SYN3: variants seen among roughly 807,000 people sequenced by gnomAD.
SYN3 encodes synapsin-3.
A neutral mutation model predicts 65.8 loss-of-function variants in SYN3; 35 were observed. The observed-to-expected ratio is 0.53, with a 90% CI of 0.41 to 0.70. SYN3 has a LOEUF of 0.70. Among genes scored for constraint, SYN3 ranks in the 30% least tolerant of loss-of-function variants. The probability of loss-of-function intolerance (pLI) is 0.00; values close to 1 mark genes in which losing one functional copy is unlikely to be tolerated. For missense variants in SYN3, 680 were observed against 749.0 expected, an observed-to-expected ratio of 0.91 and a Z score of 1.08; for synonymous variants, 270 against 292.9, an observed-to-expected ratio of 0.92 and a Z score of 0.80.
At chr22:32,562,074 G>A (rs5998540) in intron 7 of SYN3, among the ~76,000 whole-genome samples, 6,637 of 152,190 alleles carry the variant, frequency 0.044, 308 homozygotes, top group East Asian at 0.22. Context: ...CTTCCAATCC[G>A]AGATCCAATG....
At chr22:32,788,594 A>G (rs1295469587) in intron 6 of SYN3, among the ~76,000 whole-genome samples, 6 of 152,186 alleles carry the variant, frequency 3.9e-5, no homozygotes, top group Non-Finnish European at 8.8e-5. Context: ...ACAACTACTT[A>G]GTATTTACAT....
chr22:32,850,042 T>A (rs753961353), intron 6 of SYN3, among the ~76,000 whole-genome samples: 8 of 151,018 alleles, frequency 5.3e-5, no homozygotes, highest in Non-Finnish European at 1.2e-4. Context: ...AGGAACCTCA[T>A]CCCAAGGCAG....
At chr22:32,998,053 C>T (rs1466591678) in intron 2 of SYN3, among the ~76,000 whole-genome samples, 2 of 151,682 alleles carry the variant, frequency 1.3e-5, no homozygotes, top group African/African-American at 2.4e-5. Context: ...AGAATGCCAC[C>T]AATGTCATTC....
At chr22:32,840,732 G>T (rs2047875409) in intron 6 of SYN3, among the ~76,000 whole-genome samples, 1 of 152,094 alleles carries the variant, frequency 6.6e-6, no homozygotes, top group South Asian at 2.1e-4. Flanking sequence ...ATGGGCTGAG[G>T]CTCAGATCTG....
At chr22:32,627,380 A>G (rs2059683155) in intron 6 of SYN3, among the ~76,000 whole-genome samples, 2 of 152,130 alleles carry the variant, frequency 1.3e-5, no homozygotes, top group South Asian at 4.1e-4. Flanking sequence ...AGCTTCTGTG[A>G]GCCCTAATGC....
chr22:33,008,962 A>AAG (rs753991156), intron 1 of SYN3, among the ~76,000 whole-genome samples: 1,741 of 99,302 alleles, frequency 0.018, 31 homozygotes, highest in East Asian at 0.078. Flanking sequence ...AAAAAAAAAA[A>AAG]AGAGAGAGAG....
chr22:32,566,982 G>A (rs1434021789), intron 7 of SYN3, among the ~76,000 whole-genome samples: 1 of 152,094 alleles, frequency 6.6e-6, no homozygotes, highest in Non-Finnish European at 1.5e-5. Flanking sequence ...AAGGTGTGGG[G>A]GCAGGCAGAG....
At position 32,818,947 on chromosome 22, in the gene SYN3, C is replaced by T. The variant is rs548309940; in HGVS notation, c.711+45968G>A. 6.7e-4 allele frequency among the ~76,000 whole-genome samples: 102 copies of T among 152,302 alleles called. 1 individual carries two copies. The highest frequency in any genetic ancestry group is 2.4e-3 in the African/African-American group (101 of 41,572). ...ACTTGGCCCCTGCAGCTACTCCTCG[C>T]CCCCTCCTGCATAATTTCCTATTTC... On this transcript the variant is annotated intron_variant, in intron 6 of 13. Coordinates refer to ENST00000358763, the MANE Select transcript of SYN3 (RefSeq NM_003490.4).
At chr22:32,857,385 G>T in intron 6 of SYN3, 1 of 1,588,838 alleles carries the variant, frequency 6.3e-7, no homozygotes, top group Non-Finnish European at 8.6e-7. Flanking sequence ...TAGCTTCTAG[G>T]CCAGGGTTTG....
Position 33,018,621 on chromosome 22 carries a change from T to C in SYN3, c.-162-11797A>G, listed in dbSNP as rs149574398. Among the ~76,000 whole-genome samples the C allele has an allele frequency of 3.4e-3, 517 of 152,202 alleles. 5 individuals carry two copies. The highest frequency in any genetic ancestry group is 0.012 in the African/African-American group (502 of 41,528). ...AGAAGTAAGGTGAAAATCATAAGGA[T>C]ACGTTTTGCATCAAAGCAGGAGGAA... On this transcript the variant is annotated intron_variant, in intron 1 of 13. Transcript: ENST00000358763.
At chr22:32,768,817 T>C (rs149968058) in intron 6 of SYN3, among the ~76,000 whole-genome samples, 1 of 152,314 alleles carries the variant, frequency 6.6e-6, no homozygotes, top group East Asian at 1.9e-4. Context: ...TCATATGTCC[T>C]TCTCCTCTAG....
intron 2 of SYN3, among the ~76,000 whole-genome samples, chr22:32,999,475 A>G (rs1401992645): frequency 1.3e-5 from 2 of 152,188 alleles, no homozygotes; most frequent in Non-Finnish European, 2.9e-5. Flanking sequence ...ACTTGAGGTC[A>G]GGAGTTCGAG....
chr22:32,719,684 A>C (rs1354034425), intron 6 of SYN3, among the ~76,000 whole-genome samples: 1 of 152,148 alleles, frequency 6.6e-6, no homozygotes, highest in Non-Finnish European at 1.5e-5. Context: ...CTCTCCAAAA[A>C]AACAAAAAAG....
At chr22:32,941,610 T>C (rs1272023046) in intron 3 of SYN3, among the ~76,000 whole-genome samples, 1 of 151,828 alleles carries the variant, frequency 6.6e-6, no homozygotes, top group Non-Finnish European at 1.5e-5. Context: ...GGCAGGACAG[T>C]CGGTGCAGCC....
intron 7 of SYN3, among the ~76,000 whole-genome samples, chr22:32,584,488 T>C (rs1447766213): frequency 6.6e-6 from 1 of 152,136 alleles, no homozygotes; most frequent in African/African-American, 2.4e-5. Flanking sequence ...AGATGCAGTG[T>C]CAGGATGGCT....
At chr22:32,869,469 G>A (rs1017772399) in intron 4 of SYN3, among the ~76,000 whole-genome samples, 2 of 151,124 alleles carry the variant, frequency 1.3e-5, no homozygotes, top group East Asian at 2.0e-4. Context: ...AAGGTACCAC[G>A]CACTCTACTG....
At chr22:32,643,253 T>G (rs528275108) in intron 6 of SYN3, among the ~76,000 whole-genome samples, 1 of 152,220 alleles carries the variant, frequency 6.6e-6, no homozygotes, top group East Asian at 1.9e-4. Context: ...CTAATTTTTG[T>G]ATTTTTAGTA....
intron 6 of SYN3, chr22:32,859,169 T>C (rs777685149): frequency 6.2e-7 from 1 of 1,614,178 alleles, no homozygotes; most frequent in Non-Finnish European, 8.5e-7. Context: ...CTGCCTGTTA[T>C]CTAATTGCAG....
At chr22:32,883,999 C>G (rs531671193) in intron 4 of SYN3, among the ~76,000 whole-genome samples, 3 of 152,334 alleles carry the variant, frequency 2.0e-5, no homozygotes, top group Non-Finnish European at 4.4e-5. Flanking sequence ...AAGGTGGTAA[C>G]AACACTTAGG....
Sources: allele counts gnomAD v4.1 joint callset (sites outside exome capture counted in the v4.1 genomes callset), GRCh38; gene constraint gnomAD v4.1.1; transcripts MANE v1.5; gene names NCBI Gene and HGNC (gene_info 2026-07-23, HGNC 2026-07-21).